The following DNAJC12 variants were observed in gnomAD, a reference collection of about 807,000 sequenced individuals.
DNAJC12 encodes DnaJ heat shock protein family (Hsp40) member C12.
A neutral mutation model predicts 28.5 loss-of-function variants in DNAJC12; 25 were observed. That is an observed-to-expected ratio of 0.88 (90% CI 0.64 to 1.22). The LOEUF (loss-of-function observed/expected upper bound fraction) is 1.22. Ranked by LOEUF, DNAJC12 falls within the 50% of genes most tolerant of loss-of-function variation. The pLI is 0.00. For synonymous variants in DNAJC12, 77 were observed against 80.6 expected, an observed-to-expected ratio of 0.95 and a Z score of 0.24; for missense variants, 222 against 231.7, an observed-to-expected ratio of 0.96 and a Z score of 0.27.
chr10:67,803,703 A>G (rs1194549049), intron 4 of DNAJC12, among the ~76,000 whole-genome samples: 1 of 152,230 alleles, frequency 6.6e-6, no homozygotes, highest in Non-Finnish European at 1.5e-5. Flanking sequence ...AGACTTGGGG[A>G]ACCCCCAGGG....
At chr10:67,837,833 C>T (rs1842154456) in intron 1 of DNAJC12, 101 bp downstream of exon 1, 1 of 802,934 alleles carries the variant, frequency 1.2e-6, no homozygotes, top group African/African-American at 1.8e-5. Flanking sequence ...GGTTTGTAGG[C>T]AATGTGACTA....
intron 4 of DNAJC12, among the ~76,000 whole-genome samples, chr10:67,803,083 G>A (rs1295419678): frequency 2.6e-5 from 4 of 151,526 alleles, no homozygotes; most frequent in Admixed American, 1.3e-4. Flanking sequence ...CAAGCAATCC[G>A]CCCACCTCAC....
rs1841678168 is a variant in DNAJC12 at position 67,796,884 on chromosome 10, A to G, written c.*232T>C. On this transcript the variant is annotated 3_prime_UTR_variant, in exon 5 of 5. Coordinates refer to ENST00000225171, the MANE Select transcript of DNAJC12 (RefSeq NM_021800.3). ...TAGGAAAAAGCATATAATACAATCT[A>G]CTCTGTATCTAAGAGCTTTAATTTA... 2.5e-6 allele frequency: 1 copy of G among 402,278 alleles called. No homozygotes were observed. Among genetic ancestry groups the G allele is most frequent in the African/African-American group, 2.0e-5 (1 of 48,984 alleles). The allele number at this position is 402,278 out of a possible 1,614,324, so 24.9% of individuals were successfully genotyped here. A position where few individuals can be genotyped will look rare whatever the true frequency, so the allele number is the denominator to read the frequency against.
rs114124419 is a variant in DNAJC12 at position 67,801,103 on chromosome 10, C to T, written c.503-3893G>A. 9.2e-3 allele frequency among the ~76,000 whole-genome samples: 1,407 copies of T among 152,204 alleles called. 24 individuals carry two copies. Among genetic ancestry groups the T allele is most frequent in the African/African-American group, 0.032 (1,340 of 41,518 alleles). On this transcript the variant is annotated intron_variant, in intron 4 of 4. Transcript: ENST00000225171. ...ACAGTGGTTTTCAGATGCAGTGCTCCATATTTTACTTTTTGCAATAAAGAA... is the reference window on the plus strand; with the variant it reads ...ACAGTGGTTTTCAGATGCAGTGCTCTATATTTTACTTTTTGCAATAAAGAA...
chr10:67,800,552 G>A (rs1342712932), intron 4 of DNAJC12, among the ~76,000 whole-genome samples: 1 of 152,202 alleles, frequency 6.6e-6, no homozygotes, highest in Non-Finnish European at 1.5e-5. Flanking sequence ...CAAGCCCTCT[G>A]GCAGAGTCAC....
chr10:67,802,820 G>A (rs1388889918), intron 4 of DNAJC12, among the ~76,000 whole-genome samples: 2 of 149,786 alleles, frequency 1.3e-5, no homozygotes, highest in African/African-American at 5.0e-5. Context: ...AATATTTTAC[G>A]TATATTAAGT....
At chr10:67,819,703 G>GAAGAAAGA (rs1841957398) in intron 2 of DNAJC12, among the ~76,000 whole-genome samples, 1 of 31,478 alleles carries the variant, frequency 3.2e-5, no homozygotes, top group Non-Finnish European at 6.4e-5. Flanking sequence ...AGAAAGGAAG[G>GAAGAAAGA]AAGGAAGGAA....
intron 3 of DNAJC12, among the ~76,000 whole-genome samples, chr10:67,806,340 C>T (rs115470544): frequency 0.023 from 3,452 of 152,196 alleles, 138 homozygotes; most frequent in African/African-American, 0.079. Flanking sequence ...AGCTCTCTGC[C>T]CTAATCAAAT....
At chr10:67,837,836 T>A in intron 1 of DNAJC12, 98 bp downstream of exon 1, 1 of 854,556 alleles carries the variant, frequency 1.2e-6, no homozygotes, top group Non-Finnish European at 1.8e-6. Flanking sequence ...TTGTAGGCAA[T>A]GTGACTAAAA....
chr10:67,816,149 G>T (rs935513100), intron 2 of DNAJC12: 2 of 397,992 alleles, frequency 5.0e-6, no homozygotes, highest in Non-Finnish European at 8.9e-6. Context: ...AAATATAGAG[G>T]TTATTTTAAA....
intron 1 of DNAJC12, 122 bp downstream of exon 1, chr10:67,837,812 A>G: frequency 1.5e-6 from 1 of 662,444 alleles, no homozygotes; most frequent in South Asian, 2.3e-5. Flanking sequence ...CTTTAAAACA[A>G]CACAAGGTTA....
intron 3 of DNAJC12, 73 bp from the exon 4 acceptor site, chr10:67,805,860 T>C (rs1841795594): frequency 1.6e-6 from 2 of 1,242,282 alleles, no homozygotes; most frequent in Non-Finnish European, 1.1e-6. Flanking sequence ...AAGTTTGATA[T>C]GTGGTAACAC....
intron 1 of DNAJC12, among the ~76,000 whole-genome samples, chr10:67,834,400 C>T (rs1589051837): frequency 6.6e-6 from 1 of 152,192 alleles, no homozygotes. Context: ...GCCAAAACAA[C>T]AGCCACAACC....
At chr10:67,799,379 G>A (rs1441299607) in intron 4 of DNAJC12, among the ~76,000 whole-genome samples, 2 of 152,108 alleles carry the variant, frequency 1.3e-5, no homozygotes, top group South Asian at 2.1e-4. Flanking sequence ...AATTGTTTCT[G>A]ATTGCTATAA....
rs761739136 is a variant in DNAJC12, at chr10:67,811,534, G to A, written c.287C>T (p.Ser96Leu). Residue 96 changes from serine to leucine, a missense_variant, in exon 3 of 5, where the codon TCA becomes TTA. Ser to Leu is a moderately radical substitution (Grantham distance 145). Transcript: ENST00000225171. The stretch of plus-strand genomic sequence containing the variant: ...CAGCGAGAAACCCACCGTCTTCACT[G>A]AGTCATTCAAAGCTTCCCACTGCTG... The part of the protein sequence containing the change: ...PFQQWEALND[S>L]VKTSMHWVVR... The A allele has an allele frequency of 3.7e-6, 6 of 1,613,988 alleles. No homozygotes were observed. The highest frequency in any genetic ancestry group is 5.1e-6 in the Non-Finnish European group (6 of 1,180,010).
chr10:67,798,795 C>T (rs1484551831), intron 4 of DNAJC12, among the ~76,000 whole-genome samples: 1 of 112,346 alleles, frequency 8.9e-6, no homozygotes, highest in East Asian at 2.7e-4. Context: ...AACGGAGTTT[C>T]GCTCTTGTTG....
Position 67,823,335 on chromosome 10 carries a change from G to A in DNAJC12, c.136C>T (p.His46Tyr). 1 of 1,614,092 alleles carries A rather than the reference G, an allele frequency of 6.2e-7. No homozygotes were observed. Among genetic ancestry groups the A allele is most frequent in the South Asian group, 1.1e-5 (1 of 91,084 alleles). Residue 46 changes from histidine to tyrosine, a missense_variant, in exon 2 of 5, where the codon CAT becomes TAT. Physicochemically the swap from His to Tyr is moderately conservative, Grantham distance 83. Coordinates refer to ENST00000225171, the MANE Select transcript of DNAJC12 (RefSeq NM_021800.3). Reference protein sequence around the residue: ...VRALECHPDKHPENPKAVETF... With the variant: ...VRALECHPDKYPENPKAVETF... ...TTACCAGCTTTGGGGTTTTCAGGAT[G>A]CTTGTCTGGGTGACATTCCAGAGCT...
chr10:67,811,443 A>G, intron 3 of DNAJC12, 81 bp downstream of exon 3: 1 of 1,578,104 alleles, frequency 6.3e-7, no homozygotes, highest in Non-Finnish European at 8.6e-7. Flanking sequence ...TCGCCTAATG[A>G]CTCTTTAAGC....
intron 4 of DNAJC12, among the ~76,000 whole-genome samples, chr10:67,797,601 T>C (rs1233055076): frequency 6.6e-6 from 1 of 152,176 alleles, no homozygotes; most frequent in Non-Finnish European, 1.5e-5. Flanking sequence ...TTGAATTCCA[T>C]GGTAATAAGA....
Sources: allele counts gnomAD v4.1 joint callset (sites outside exome capture counted in the v4.1 genomes callset), GRCh38; gene constraint gnomAD v4.1.1; transcripts MANE v1.5; gene names NCBI Gene and HGNC (gene_info 2026-07-23, HGNC 2026-07-21).